The following TMEM132C variants were observed in gnomAD, a reference collection of about 807,000 sequenced individuals.
The protein encoded by TMEM132C is protein phosphatase 1, regulatory subunit 152.
In TMEM132C, 29 loss-of-function variants were observed where a neutral mutation model predicts 61.4. The observed-to-expected ratio is 0.47, with a 90% CI of 0.35 to 0.64. The LOEUF (loss-of-function observed/expected upper bound fraction) is 0.64. Among genes scored for constraint, TMEM132C ranks in the 30% least tolerant of loss-of-function variants. The probability of loss-of-function intolerance (pLI) is 0.00; values close to 1 mark genes in which losing one functional copy is unlikely to be tolerated. For missense variants in TMEM132C, 1,408 were observed against 1,476.9 expected (o/e 0.95, Z 0.76); for synonymous variants, 656 against 633.1 (o/e 1.04, Z -0.54).
chr12:128,584,243 T>G (rs1020858096), intron 3 of TMEM132C, among the ~76,000 whole-genome samples: 2 of 152,164 alleles, frequency 1.3e-5, no homozygotes, highest in Admixed American at 6.5e-5. Context: ...CAGGAAATAG[T>G]TCCTTGGAAG....
At chr12:128,649,185 G>A (rs1025896009) in intron 4 of TMEM132C, among the ~76,000 whole-genome samples, 2 of 152,180 alleles carry the variant, frequency 1.3e-5, no homozygotes, top group African/African-American at 4.8e-5. Context: ...GGAATTTCAG[G>A]GATTCCACAC....
At chr12:128,529,757 G>A (rs1311628339) in intron 2 of TMEM132C, among the ~76,000 whole-genome samples, 1 of 152,176 alleles carries the variant, frequency 6.6e-6, no homozygotes, top group Middle Eastern at 3.2e-3. Flanking sequence ...CTGCACTCCA[G>A]CCTGGGTGAC....
intron 5 of TMEM132C, among the ~76,000 whole-genome samples, chr12:128,671,454 A>C (rs1204670199): frequency 6.6e-6 from 1 of 152,204 alleles, no homozygotes; most frequent in East Asian, 1.9e-4. Flanking sequence ...CTGGAAACAC[A>C]TCCAGGAAAA....
chr12:128,681,680 G>C (rs1954636092), intron 5 of TMEM132C, among the ~76,000 whole-genome samples: 2 of 110,628 alleles, frequency 1.8e-5, no homozygotes, highest in Non-Finnish European at 1.8e-5. Flanking sequence ...TTGAGACAGA[G>C]TCTCACCCTA....
At chr12:128,636,719 C>T (rs1954107274) in intron 4 of TMEM132C, among the ~76,000 whole-genome samples, 1 of 152,098 alleles carries the variant, frequency 6.6e-6, no homozygotes, top group African/African-American at 2.4e-5. Context: ...CATACGTATT[C>T]ACCTGGCATG....
chr12:128,387,732 C>T (rs1420308239), intron 1 of TMEM132C, among the ~76,000 whole-genome samples: 1 of 152,126 alleles, frequency 6.6e-6, no homozygotes, highest in African/African-American at 2.4e-5. Context: ...ATCACTTGAA[C>T]CCAGGAGGCA....
intron 2 of TMEM132C, among the ~76,000 whole-genome samples, chr12:128,482,118 T>C (rs1871331672): frequency 6.6e-6 from 1 of 152,230 alleles, no homozygotes; most frequent in Non-Finnish European, 1.5e-5. Flanking sequence ...TGTTGAATTT[T>C]ATCGAAGGCC....
intron 3 of TMEM132C, among the ~76,000 whole-genome samples, chr12:128,555,858 G>A (rs886924995): frequency 2.0e-5 from 3 of 152,086 alleles, no homozygotes; most frequent in African/African-American, 4.8e-5. Context: ...GGGACTGCAT[G>A]TATGCACCAC....
intron 2 of TMEM132C, 117 bp from the exon 3 acceptor site, chr12:128,543,840 T>C: frequency 1.5e-6 from 2 of 1,372,606 alleles, no homozygotes; most frequent in Non-Finnish European, 1.9e-6. Flanking sequence ...TCACTAGATA[T>C]GAAAAAAGTG....
At chr12:128,638,302 A>G (rs1271012224) in intron 4 of TMEM132C, among the ~76,000 whole-genome samples, 1 of 152,196 alleles carries the variant, frequency 6.6e-6, no homozygotes. Flanking sequence ...ATCCCCCAAA[A>G]TAGGATTGTG....
At chr12:128,281,120 A>G (rs1870880314) in intron 1 of TMEM132C, among the ~76,000 whole-genome samples, 1 of 152,212 alleles carries the variant, frequency 6.6e-6, no homozygotes, top group African/African-American at 2.4e-5. Context: ...TATGAACAGG[A>G]GACAGCATGA....
At chr12:128,281,835 G>A (rs977014905) in intron 1 of TMEM132C, among the ~76,000 whole-genome samples, 1 of 152,154 alleles carries the variant, frequency 6.6e-6, no homozygotes, top group Non-Finnish European at 1.5e-5. Flanking sequence ...TGACCTTGAG[G>A]AACACTCCCT....
At chr12:128,614,818 A>T (rs1876745844) in intron 3 of TMEM132C, among the ~76,000 whole-genome samples, 1 of 152,242 alleles carries the variant, frequency 6.6e-6, no homozygotes, top group African/African-American at 2.4e-5. Flanking sequence ...TCTCTAGGAG[A>T]ACCACTGAAT....
rs1954739849 is a variant in TMEM132C, at chr12:128,694,109, A to G, written c.1655+75A>G. ...TACTGACCTTAACACTAAAGGACCCAATGCTTAAGAGATGCTGGTATTGTC... is the reference window on the plus strand; with the variant it reads ...TACTGACCTTAACACTAAAGGACCCGATGCTTAAGAGATGCTGGTATTGTC... On this transcript the variant is annotated intron_variant, in intron 6 of 8. Coordinates refer to ENST00000435159, the MANE Select transcript of TMEM132C (RefSeq NM_001136103.3). The G allele has an allele frequency of 5.6e-6, 8 of 1,440,542 alleles. No homozygotes were observed. In the East Asian group the frequency reaches 2.0e-4, roughly 36 times the overall value. The allele number at this position is 1,440,542 out of a possible 1,614,324, so 89.2% of individuals were successfully genotyped here. A position where few individuals can be genotyped will look rare whatever the true frequency, so the allele number is the denominator to read the frequency against.
intron 2 of TMEM132C, among the ~76,000 whole-genome samples, chr12:128,419,962 G>A (rs1868930188): frequency 6.6e-6 from 1 of 152,116 alleles, no homozygotes; most frequent in African/African-American, 2.4e-5. Flanking sequence ...GGAGGCCGAG[G>A]TGGGCAGATC....
chr12:128,494,795 C>G lies in TMEM132C; in HGVS notation c.975-49162C>G, dbSNP rs546885005. Among the ~76,000 whole-genome samples the G allele has an allele frequency of 6.6e-5, 10 of 152,028 alleles. No individual in the cohort carries two copies. In the South Asian group the frequency reaches 1.0e-3, roughly 16 times the overall value. Reference sequence around the variant, plus strand: ...TTTTGTTGATCTTTTCAAAAAACCACCTCCTGGATTCATGGATTTTTTGAA... The same window carrying G: ...TTTTGTTGATCTTTTCAAAAAACCAGCTCCTGGATTCATGGATTTTTTGAA... On this transcript the variant is annotated intron_variant, in intron 2 of 8. Coordinates refer to ENST00000435159, the MANE Select transcript of TMEM132C (RefSeq NM_001136103.3).
intron 1 of TMEM132C, among the ~76,000 whole-genome samples, chr12:128,345,460 C>T (rs150142248): frequency 1.3e-5 from 2 of 152,254 alleles, no homozygotes; most frequent in Admixed American, 1.3e-4. Context: ...TTTCTATCTT[C>T]AGGTCTTTGA....
chr12:128,402,792 C>G (rs888619731), intron 1 of TMEM132C, among the ~76,000 whole-genome samples: 1 of 152,212 alleles, frequency 6.6e-6, no homozygotes, highest in Non-Finnish European at 1.5e-5. Flanking sequence ...CTTGTAACTT[C>G]GCCTGGTAAA....
intron 4 of TMEM132C, among the ~76,000 whole-genome samples, chr12:128,636,893 A>G (rs555664289): frequency 1.3e-5 from 2 of 152,092 alleles, no homozygotes; most frequent in Non-Finnish European, 2.9e-5. Context: ...TATTTTGCAT[A>G]GTATAGGGTC....
Sources: gnomAD v4.1 joint callset for allele counts (sites outside exome capture counted in the v4.1 genomes callset) on GRCh38, gnomAD v4.1.1 for gene constraint, MANE v1.5 for transcripts, NCBI Gene and HGNC (gene_info 2026-07-23, HGNC 2026-07-21) for gene names.